The following LNX1 variants were observed in gnomAD, a reference collection of about 807,000 sequenced individuals.
The protein encoded by LNX1 is E3 ubiquitin-protein ligase LNX.
A neutral mutation model predicts 68.4 loss-of-function variants in LNX1; 54 were observed. The ratio of observed to expected loss-of-function variants is 0.79; its 90% CI spans 0.63 to 0.99. The LOEUF (loss-of-function observed/expected upper bound fraction) is 0.99, where lower values mean the gene tolerates loss of function less well. Ranked by LOEUF, LNX1 falls within the 50% of genes least tolerant of loss-of-function variation. The probability of loss-of-function intolerance (pLI) is 0.00; values close to 1 mark genes in which losing one functional copy is unlikely to be tolerated. For synonymous variants in LNX1, 336 were observed against 350.0 expected, an observed-to-expected ratio of 0.96 and a Z score of 0.45; for missense variants, 906 against 926.4, an observed-to-expected ratio of 0.98 and a Z score of 0.29.
At chr4:53,542,780 A>G (rs1392992179) in intron 2 of LNX1, among the ~76,000 whole-genome samples, 1 of 152,200 alleles carries the variant, frequency 6.6e-6, no homozygotes, top group Non-Finnish European at 1.5e-5. Context: ...TGGCATTTGC[A>G]ATTGCATTTA....
upstream of LNX1, among the ~76,000 whole-genome samples, chr4:53,596,316 G>A (rs1469864071): frequency 6.6e-6 from 1 of 152,196 alleles, no homozygotes; most frequent in Non-Finnish European, 1.5e-5. Context: ...AGTTTAGGAG[G>A]AAACACTTCT....
chr4:53,609,956 A>T (rs1295155985), intron 2 of LNX1, among the ~76,000 whole-genome samples: 1 of 151,542 alleles, frequency 6.6e-6, no homozygotes. Context: ...TGAGTTAGAC[A>T]CTGTTATTGT....
At chr4:53,504,653 C>A (rs1313227610) in intron 4 of LNX1, among the ~76,000 whole-genome samples, 2 of 152,204 alleles carry the variant, frequency 1.3e-5, no homozygotes, top group Non-Finnish European at 2.9e-5. Flanking sequence ...AATATGCCTT[C>A]CTTACCAAGG....
At chr4:53,477,089 G>A in intron 8 of LNX1, 108 bp from the exon 9 acceptor site, 1 of 938,220 alleles carries the variant, frequency 1.1e-6, no homozygotes, top group South Asian at 1.3e-5. Context: ...ATGCAGAGAG[G>A]GCAAAGGTTT....
chr4:53,509,247 G>A (rs6841529), intron 2 of LNX1, among the ~76,000 whole-genome samples: 146,169 of 152,296 alleles, frequency 0.96, 70,439 homozygotes, highest in East Asian at 1. Context: ...AGCCCCTTTA[G>A]GAAGTGTCCA....
chr4:53,617,686 G>C (rs1346211205), upstream of LNX1, among the ~76,000 whole-genome samples: 1 of 152,152 alleles, frequency 6.6e-6, no homozygotes, highest in Non-Finnish European at 1.5e-5. Flanking sequence ...TGTCTCTCTT[G>C]TTTTGTTGAA....
chr4:53,541,629 G>C (rs908894026), intron 2 of LNX1, among the ~76,000 whole-genome samples: 3 of 151,984 alleles, frequency 2.0e-5, no homozygotes, highest in Non-Finnish European at 4.4e-5. Context: ...AACAATATAA[G>C]GCCAAGAAAA....
upstream of LNX1, chr4:53,593,003 A>G (rs1369509602): frequency 6.6e-6 from 1 of 152,184 alleles, no homozygotes; most frequent in Non-Finnish European, 1.5e-5. Flanking sequence ...GCCTTTTGAG[A>G]GTTGAAGGCT....
At chr4:53,481,517 C>T (rs1723910998) in intron 7 of LNX1, among the ~76,000 whole-genome samples, 1 of 152,198 alleles carries the variant, frequency 6.6e-6, no homozygotes, top group African/African-American at 2.4e-5. Flanking sequence ...AACTTTCCTG[C>T]ACCTTCTTCT....
intron 2 of LNX1, among the ~76,000 whole-genome samples, chr4:53,615,103 C>T (rs1281597177): frequency 6.6e-6 from 1 of 152,144 alleles, no homozygotes; most frequent in African/African-American, 2.4e-5. Context: ...GATAATTACA[C>T]ATGCCCCACA....
intron 2 of LNX1, among the ~76,000 whole-genome samples, chr4:53,571,915 C>A (rs1056357689): frequency 1.3e-5 from 2 of 152,148 alleles, no homozygotes; most frequent in Non-Finnish European, 2.9e-5. Flanking sequence ...CCTGCCTCAG[C>A]CTCCCAAAAT....
At chr4:53,648,843 A>G (rs1245311772) in intron 1 of LNX1, among the ~76,000 whole-genome samples, 1 of 152,180 alleles carries the variant, frequency 6.6e-6, no homozygotes, top group Non-Finnish European at 1.5e-5. Flanking sequence ...TTTAGTGATA[A>G]TTGAATTTCC....
intron 1 of LNX1, among the ~76,000 whole-genome samples, chr4:53,580,927 A>C (rs1259043225): frequency 6.6e-6 from 1 of 152,232 alleles, no homozygotes; most frequent in African/African-American, 2.4e-5. Context: ...ACAAATGATA[A>C]ATCAGACATA....
At position 53,505,807 on chromosome 4, in the gene LNX1, G is replaced by A. The variant is rs540746170; in HGVS notation, c.775+1510C>T. 6.6e-5 allele frequency among the ~76,000 whole-genome samples: 10 copies of A among 152,302 alleles called. No homozygotes were observed. In the South Asian group the frequency reaches 2.1e-3, roughly 32 times the overall value. The stretch of plus-strand genomic sequence containing the variant: ...AAAACACCTAAAAAGGGGGCTGAGG[G>A]AGTGAGGTTTCCAGGAGGAGGCAAA... On this transcript the variant is annotated intron_variant, in intron 4 of 10. Coordinates refer to ENST00000263925, the MANE Select transcript of LNX1 (RefSeq NM_001126328.3).
intron 1 of LNX1, among the ~76,000 whole-genome samples, chr4:53,650,764 C>CA (rs1735069602): frequency 6.6e-6 from 1 of 152,008 alleles, no homozygotes; most frequent in Non-Finnish European, 1.5e-5. Context: ...ATTCCACCCT[C>CA]ATGGTTCCAG....
At chr4:53,638,151 G>C (rs1560703406) in intron 1 of LNX1, among the ~76,000 whole-genome samples, 1 of 152,142 alleles carries the variant, frequency 6.6e-6, no homozygotes, top group Non-Finnish European at 1.5e-5. Flanking sequence ...GGCATATTTT[G>C]TGTCTAATTA....
intron 2 of LNX1, among the ~76,000 whole-genome samples, chr4:53,549,156 C>T (rs1283941302): frequency 3.3e-5 from 5 of 152,020 alleles, no homozygotes; most frequent in Non-Finnish European, 7.4e-5. Flanking sequence ...ATGTACCCCC[C>T]AAATCTAAAA....
intron 1 of LNX1, among the ~76,000 whole-genome samples, chr4:53,643,372 A>T (rs1734762164): frequency 6.6e-6 from 1 of 151,756 alleles, no homozygotes; most frequent in Middle Eastern, 3.4e-3. Flanking sequence ...CTGATCTCAA[A>T]CTCCCGGGCT....
At chr4:53,576,208 A>T in intron 1 of LNX1, 2 of 1,596,928 alleles carry the variant, frequency 1.3e-6, no homozygotes, top group Non-Finnish European at 1.7e-6. Context: ...AATCTCCACC[A>T]GTGCCCTGGC....
Sources: allele counts gnomAD v4.1 joint callset (sites outside exome capture counted in the v4.1 genomes callset), GRCh38; gene constraint gnomAD v4.1.1; transcripts MANE v1.5; gene names NCBI Gene and HGNC (gene_info 2026-07-23, HGNC 2026-07-21).